Variants in PHYHIPL observed in about 807,000 individuals in gnomAD.
The protein encoded by PHYHIPL is phytanoyl-CoA hydroxylase-interacting protein-like.
PHYHIPL carries 9 observed loss-of-function variants against 33.4 expected under a neutral mutation model. The observed-to-expected ratio is 0.27, with a 90% confidence interval of 0.16 to 0.47. The LOEUF is 0.47. PHYHIPL is among the 20% of genes least tolerant of loss of function. PHYHIPL has a pLI of 0.99. For synonymous variants in PHYHIPL, 153 were observed against 154.1 expected (o/e 0.99, Z 0.05); for missense variants, 365 against 460.7 (o/e 0.79, Z 1.90).
Position 59,196,355 on chromosome 10 carries a change from GTA to G in PHYHIPL, c.106+19408_106+19409del, listed in dbSNP as rs1228974834. ...AGTCTATAATGTACATAATATATTA[GTA>G]TATATATATATGTATAATTTATAAA... On this transcript the variant is annotated intron_variant, in intron 1 of 4. Transcript: ENST00000373880. Among the ~76,000 whole-genome samples the G allele has an allele frequency of 6.8e-3, 1,007 of 148,210 alleles. 11 individuals are homozygous for G. Among genetic ancestry groups the G allele is most frequent in the African/African-American group, 0.022 (889 of 40,528 alleles).
At chr10:59,203,848 A>G (rs936398962) in intron 1 of PHYHIPL, among the ~76,000 whole-genome samples, 2 of 152,142 alleles carry the variant, frequency 1.3e-5, no homozygotes, top group Non-Finnish European at 2.9e-5. Flanking sequence ...GCACACCAAC[A>G]TGGCACATGC....
intron 1 of PHYHIPL, among the ~76,000 whole-genome samples, chr10:59,211,383 T>A (rs774334010): frequency 8.6e-5 from 13 of 151,958 alleles, no homozygotes; most frequent in Non-Finnish European, 1.5e-5. Flanking sequence ...TGTTTTTGTT[T>A]TGTTTTGTTT....
chr10:59,188,258 T>C (rs1220410700), intron 1 of PHYHIPL, among the ~76,000 whole-genome samples: 6 of 152,202 alleles, frequency 3.9e-5, no homozygotes, highest in East Asian at 1.9e-4. Flanking sequence ...TGTTCGTTTT[T>C]CATGTAGTTG....
At chr10:59,209,653 A>G (rs1839389705) in intron 1 of PHYHIPL, among the ~76,000 whole-genome samples, 1 of 152,298 alleles carries the variant, frequency 6.6e-6, no homozygotes, top group Non-Finnish European at 1.5e-5. Context: ...GCATCACACT[A>G]CCTGACTTCA....
intron 1 of PHYHIPL, among the ~76,000 whole-genome samples, chr10:59,189,565 T>C (rs1838722637): frequency 6.6e-6 from 1 of 151,970 alleles, no homozygotes; most frequent in Non-Finnish European, 1.5e-5. Flanking sequence ...TATTTTTACA[T>C]GCATTCCAAC....
At chr10:59,221,450 G>T (rs1839773452) in intron 1 of PHYHIPL, among the ~76,000 whole-genome samples, 1 of 152,180 alleles carries the variant, frequency 6.6e-6, no homozygotes, top group African/African-American at 2.4e-5. Context: ...TAGGTACTCA[G>T]TGAGTTTCAC....
chr10:59,241,203 C>T (rs926160292), intron 4 of PHYHIPL, among the ~76,000 whole-genome samples: 3 of 152,040 alleles, frequency 2.0e-5, no homozygotes, highest in African/African-American at 7.2e-5. Context: ...AATTAAGACA[C>T]ATTTCCTTGA....
chr10:59,216,496 G>A (rs1839616245), intron 1 of PHYHIPL, among the ~76,000 whole-genome samples: 1 of 152,020 alleles, frequency 6.6e-6, no homozygotes. Context: ...ATTTTTTCAT[G>A]GACTGCTTCA....
At chr10:59,234,082 G>A (rs1840158017) in intron 1 of PHYHIPL, among the ~76,000 whole-genome samples, 1 of 151,686 alleles carries the variant, frequency 6.6e-6, no homozygotes, top group Admixed American at 6.6e-5. Context: ...TTTTTAGAGG[G>A]AACCTAACCA....
At chr10:59,226,463 C>T (rs761914811) in intron 1 of PHYHIPL, among the ~76,000 whole-genome samples, 16 of 152,010 alleles carry the variant, frequency 1.1e-4, no homozygotes, top group Non-Finnish European at 2.2e-4. Context: ...CAGAACTGCA[C>T]CAGGCAGGAG....
chr10:59,220,768 G>C (rs1456749015), intron 1 of PHYHIPL, among the ~76,000 whole-genome samples: 1 of 152,016 alleles, frequency 6.6e-6, no homozygotes. Flanking sequence ...TGAATGCCAG[G>C]CCTCTTAGAA....
intron 1 of PHYHIPL, among the ~76,000 whole-genome samples, chr10:59,197,257 A>G (rs1838946318): frequency 6.6e-6 from 1 of 152,214 alleles, no homozygotes; most frequent in South Asian, 2.1e-4. Context: ...CTGAGTAACA[A>G]AATTTCCTTT....
At chr10:59,233,379 C>T (rs1024801897) in intron 1 of PHYHIPL, among the ~76,000 whole-genome samples, 4 of 151,372 alleles carry the variant, frequency 2.6e-5, no homozygotes, top group Non-Finnish European at 4.4e-5. Context: ...TGTTAAGGAA[C>T]GAGTTAAGTA....
intron 1 of PHYHIPL, among the ~76,000 whole-genome samples, chr10:59,228,811 C>A (rs1326861562): frequency 6.6e-6 from 1 of 152,090 alleles, no homozygotes; most frequent in Admixed American, 6.6e-5. Flanking sequence ...ACCATCATTA[C>A]CTTTGCAAAC....
rs182367910 is a variant in PHYHIPL, at chr10:59,181,095, T to C, written c.106+4136T>C. ...CTTGTTTTAGCCTCAAGCTTTCTTA[T>C]GTAAAGTGGGTATAATACCAATCCT... is the stretch of plus-strand genomic sequence containing the variant. On this transcript the variant is annotated intron_variant, in intron 1 of 4. Coordinates refer to ENST00000373880, the MANE Select transcript of PHYHIPL (RefSeq NM_032439.4). Among the ~76,000 whole-genome samples, 255 of 152,296 alleles carry C rather than the reference T, an allele frequency of 1.7e-3. 2 individuals carry two copies. Among genetic ancestry groups the C allele is most frequent in the African/African-American group, 5.9e-3 (247 of 41,582 alleles).
At chr10:59,231,731 T>C (rs961039858) in intron 1 of PHYHIPL, among the ~76,000 whole-genome samples, 3 of 152,152 alleles carry the variant, frequency 2.0e-5, no homozygotes, top group African/African-American at 7.2e-5. Context: ...AATCTATCTC[T>C]ATCTACATTT....
chr10:59,209,503 T>C (rs4508155), intron 1 of PHYHIPL, among the ~76,000 whole-genome samples: 37,811 of 151,916 alleles, frequency 0.25, 6,736 homozygotes, highest in African/African-American at 0.5. Context: ...ATCGATGCTA[T>C]GAAGAAACTG....
rs1840616388 is a variant in PHYHIPL, at chr10:59,245,307, C to G, written c.847C>G (p.Leu283Val). The change falls in exon 5 of 5, where the codon CTT (leucine) becomes GTT (valine). Residue 283 changes from leucine (L) to valine (V), a missense_variant. By Grantham distance (32) the Leu-to-Val change is conservative. Transcript: ENST00000373880. ...CMYTAYHYVI[L>V]VIAPVGSPGD... ...GTACACTGCTTATCATTATGTGATT[C>G]TTGTTATTGCTCCTGTGGGATCACC... 6.2e-7 allele frequency: 1 copy of G among 1,614,144 alleles called. No homozygotes were observed. The highest frequency in any genetic ancestry group is 8.5e-7 in the Non-Finnish European group (1 of 1,180,018).
rs747492366 is a variant in PHYHIPL at position 59,236,540 on chromosome 10, C to T, written c.361C>T (p.His121Tyr). The change falls in exon 3 of 5, where the codon CAC becomes TAC. Residue 121 changes from histidine to tyrosine, a missense_variant. Coordinates refer to ENST00000373880, the MANE Select transcript of PHYHIPL (RefSeq NM_032439.4). ...TCCCTTGCCTATGACTGTCCGTGGACACTGGTTTTTAAGCCCAAGAACTGA... is the reference window on the plus strand; with the variant it reads ...TCCCTTGCCTATGACTGTCCGTGGATACTGGTTTTTAAGCCCAAGAACTGA... ...AVPLPMTVRG[H>Y]WFLSPRTEYT... 1.2e-6 allele frequency: 2 copies of T among 1,611,068 alleles called. No homozygotes were observed. Among genetic ancestry groups the T allele is most frequent in the South Asian group, 2.2e-5 (2 of 90,742 alleles).
Sources: allele counts gnomAD v4.1 joint callset (sites outside exome capture counted in the v4.1 genomes callset), GRCh38; gene constraint gnomAD v4.1.1; transcripts MANE v1.5; gene names NCBI Gene and HGNC (gene_info 2026-07-23, HGNC 2026-07-21).